Variants in ITGA8 observed in about 807,000 individuals in gnomAD.
The protein encoded by ITGA8 is integrin alpha-8.
Under a neutral mutation model 142.3 loss-of-function variants are expected in ITGA8, and 91 were observed. That is an observed-to-expected ratio of 0.64 (90% CI 0.54 to 0.76). The LOEUF (loss-of-function observed/expected upper bound fraction) is 0.76, where lower values mean the gene tolerates loss of function less well. ITGA8 is among the 30% of genes least tolerant of loss of function. ITGA8 has a pLI of 0.00. For synonymous variants in ITGA8, 505 were observed against 485.2 expected, an observed-to-expected ratio of 1.04 and a Z score of -0.54; for missense variants, 1,406 against 1,327.7, an observed-to-expected ratio of 1.06 and a Z score of -0.92.
intron 28 of ITGA8, among the ~76,000 whole-genome samples, chr10:15,529,318 A>G (rs945769214): frequency 6.6e-6 from 1 of 152,228 alleles, no homozygotes; most frequent in African/African-American, 2.4e-5. Flanking sequence ...TGTTCCAGGT[A>G]CAATGCTAGA....
At chr10:15,569,222 G>A (rs1834133274) in intron 25 of ITGA8, among the ~76,000 whole-genome samples, 1 of 152,152 alleles carries the variant, frequency 6.6e-6, no homozygotes, top group Non-Finnish European at 1.5e-5. Flanking sequence ...GAAGGAAATG[G>A]CCAATCCCTC....
At chr10:15,547,265 T>C (rs1213935964) in intron 27 of ITGA8, among the ~76,000 whole-genome samples, 2 of 152,166 alleles carry the variant, frequency 1.3e-5, no homozygotes, top group African/African-American at 4.8e-5. Context: ...AAAAGAGATT[T>C]TAAACTTTTA....
chr10:15,607,916 T>A, intron 16 of ITGA8, 85 bp from the exon 17 acceptor site: 1 of 1,219,470 alleles, frequency 8.2e-7, no homozygotes, highest in Non-Finnish European at 1.2e-6. Flanking sequence ...TCAAGTTGCT[T>A]ATTCAGGAAA....
intron 13 of ITGA8, among the ~76,000 whole-genome samples, chr10:15,638,369 G>C (rs1288465608): frequency 6.6e-6 from 1 of 152,166 alleles, no homozygotes; most frequent in Admixed American, 6.5e-5. Context: ...TTAAGAATAC[G>C]TAAGAGTGTT....
At chr10:15,703,054 C>T (rs1835194485) in intron 2 of ITGA8, among the ~76,000 whole-genome samples, 1 of 152,140 alleles carries the variant, frequency 6.6e-6, no homozygotes, top group South Asian at 2.1e-4. Context: ...ATTATTTGTT[C>T]ATATCGCTAT....
At chr10:15,522,092 T>A (rs940525071) in intron 28 of ITGA8, among the ~76,000 whole-genome samples, 2 of 152,162 alleles carry the variant, frequency 1.3e-5, no homozygotes, top group African/African-American at 4.8e-5. Context: ...CAGAAGAGAT[T>A]TGAAATGTTC....
At chr10:15,639,189 C>G (rs555712801) in intron 13 of ITGA8, among the ~76,000 whole-genome samples, 10 of 151,986 alleles carry the variant, frequency 6.6e-5, no homozygotes, top group Non-Finnish European at 1.5e-4. Flanking sequence ...CAAGCATCAC[C>G]ATGGCAGGAA....
At chr10:15,551,940 G>A (rs1833799148) in intron 26 of ITGA8, among the ~76,000 whole-genome samples, 1 of 151,986 alleles carries the variant, frequency 6.6e-6, no homozygotes, top group Admixed American at 6.6e-5. Flanking sequence ...TCATCTGAGA[G>A]TTTTTATGAT....
intron 2 of ITGA8, among the ~76,000 whole-genome samples, chr10:15,695,513 CT>C (rs1835034269): frequency 2.6e-5 from 4 of 152,214 alleles, no homozygotes; most frequent in Admixed American, 2.6e-4. Context: ...AGCTGACACA[CT>C]GCTCAGTACT....
intron 8 of ITGA8, among the ~76,000 whole-genome samples, chr10:15,667,118 G>A (rs1350510044): frequency 6.6e-6 from 1 of 152,128 alleles, no homozygotes; most frequent in Non-Finnish European, 1.5e-5. Context: ...TGCACCTCTG[G>A]TAGAATTCGG....
At chr10:15,660,386 T>A (rs1279421717) in intron 9 of ITGA8, among the ~76,000 whole-genome samples, 1 of 152,230 alleles carries the variant, frequency 6.6e-6, no homozygotes, top group Non-Finnish European at 1.5e-5. Flanking sequence ...AGAAATCTAA[T>A]CTGACTTATT....
chr10:15,539,427 C>G (rs1367423802), intron 27 of ITGA8, among the ~76,000 whole-genome samples: 1 of 152,128 alleles, frequency 6.6e-6, no homozygotes, highest in Non-Finnish European at 1.5e-5. Flanking sequence ...TGGGTTGAGG[C>G]CTTGCACTAC....
chr10:15,569,905 A>G (rs1834147829), intron 25 of ITGA8, among the ~76,000 whole-genome samples: 2 of 152,246 alleles, frequency 1.3e-5, no homozygotes, highest in South Asian at 2.1e-4. Context: ...TTAAATTGCC[A>G]TGTAAGTTAA....
At chr10:15,595,876 G>A (rs1833003231) in intron 21 of ITGA8, among the ~76,000 whole-genome samples, 3 of 152,016 alleles carry the variant, frequency 2.0e-5, no homozygotes, top group Admixed American at 1.3e-4. Flanking sequence ...GACCAGCCTG[G>A]CCCCCGTCTC....
At chr10:15,531,607 G>A (rs781759866) in intron 27 of ITGA8, among the ~76,000 whole-genome samples, 2 of 152,118 alleles carry the variant, frequency 1.3e-5, no homozygotes, top group Non-Finnish European at 1.5e-5. Flanking sequence ...TCAGATGGAC[G>A]GAAATATTTT....
intron 2 of ITGA8, among the ~76,000 whole-genome samples, chr10:15,695,555 T>C (rs149532582): frequency 4.6e-5 from 7 of 152,354 alleles, no homozygotes; most frequent in Non-Finnish European, 7.4e-5. Context: ...GAAACTATGA[T>C]GCATGGAGGA....
chr10:15,514,066 CA>C lies in ITGA8; in HGVS notation c.*3091del, dbSNP rs1832919812. The C allele has an allele frequency of 6.6e-6, 1 of 152,154 alleles. No individual in the cohort carries two copies. The highest frequency in any genetic ancestry group is 1.5e-5 in the Non-Finnish European group (1 of 68,028). The allele number at this position is 152,154 out of a possible 1,614,324, so 9.4% of individuals were successfully genotyped here. ...GAGTCGAGTTCTAAGAATGCAGTTT[CA>C]GGGGTGACTAGTACATATTATTTTT... is the stretch of plus-strand genomic sequence containing the variant. On this transcript the variant is annotated 3_prime_UTR_variant, in exon 30 of 30. Transcript: ENST00000378076.
chr10:15,667,304 A>C (rs562509157), intron 8 of ITGA8, among the ~76,000 whole-genome samples: 11 of 151,464 alleles, frequency 7.3e-5, no homozygotes, highest in Admixed American at 3.3e-4. Context: ...GTTTATTTGC[A>C]TAGAGTTGTT....
chr10:15,679,389 C>T (rs1834693860), intron 4 of ITGA8, among the ~76,000 whole-genome samples: 1 of 152,086 alleles, frequency 6.6e-6, no homozygotes, highest in African/African-American at 2.4e-5. Flanking sequence ...TTGAGACCAT[C>T]CTGGCCAACA....
Sources: allele counts gnomAD v4.1 joint callset (sites outside exome capture counted in the v4.1 genomes callset), GRCh38; gene constraint gnomAD v4.1.1; transcripts MANE v1.5; gene names NCBI Gene and HGNC (gene_info 2026-07-23, HGNC 2026-07-21).